Variants in PTK2B observed in about 807,000 individuals in gnomAD.
The protein encoded by PTK2B is protein tyrosine kinase 2 beta, also known as protein-tyrosine kinase 2-beta.
Under a neutral mutation model 142.9 loss-of-function variants are expected in PTK2B, and 71 were observed. The ratio of observed to expected loss-of-function variants is 0.50; its 90% CI spans 0.41 to 0.61. The LOEUF (loss-of-function observed/expected upper bound fraction) is 0.61, where lower values mean the gene tolerates loss of function less well. Ranked by LOEUF, PTK2B falls within the 20% of genes least tolerant of loss-of-function variation. The pLI, the probability that PTK2B is intolerant of heterozygous loss-of-function variation, is 0.00. For missense variants in PTK2B, 1,105 were observed against 1,320.4 expected (o/e 0.84, Z 2.53); for synonymous variants, 519 against 503.4 (o/e 1.03, Z -0.42).
In PTK2B at chr8:27,439,303, C is replaced by G. The variant is rs766476675; in HGVS notation, c.1745-6C>G. On this transcript the variant is annotated splice_polypyrimidine_tract_variant and splice_region_variant and intron_variant, in intron 19 of 30. Transcript: ENST00000346049. ...CCTAAAAATCAACCTCTTTGCCCAC[C>G]CAAAGCCTCTGTGACTCGTCTCCCC... The G allele has an allele frequency of 1.2e-6, 2 of 1,612,406 alleles. No individual in the cohort carries two copies. Among genetic ancestry groups the G allele is most frequent in the African/African-American group, 1.3e-5 (1 of 74,968 alleles).
chr8:27,456,603 A>C (rs1229719600), intron 30 of PTK2B, among the ~76,000 whole-genome samples: 1 of 152,198 alleles, frequency 6.6e-6, no homozygotes, highest in East Asian at 1.9e-4. Flanking sequence ...CTGCATGTTC[A>C]AGTAAAAGGA....
chr8:27,423,277 G>C (rs1471285343), intron 5 of PTK2B, among the ~76,000 whole-genome samples: 1 of 152,172 alleles, frequency 6.6e-6, no homozygotes, highest in Non-Finnish European at 1.5e-5. Flanking sequence ...TTCTAGCCCT[G>C]TCTTGACCAG....
intron 2 of PTK2B, among the ~76,000 whole-genome samples, chr8:27,412,265 G>T (rs1809113851): frequency 1.3e-5 from 2 of 152,158 alleles, no homozygotes; most frequent in African/African-American, 4.8e-5. Context: ...GTGGCTCAAA[G>T]CTTCAACTCT....
Position 27,391,992 on chromosome 8 carries a change from G to T in PTK2B, c.-37-5556G>T, listed in dbSNP as rs527515470. On this transcript the variant is annotated intron_variant, in intron 1 of 30. Coordinates refer to ENST00000346049, the MANE Select transcript of PTK2B (RefSeq NM_173176.3). ...CCGACGGTCTGGGGCAGACCAGGAA[G>T]CAGGGAGGACAGAATGCCAGGGCTT... Among the ~76,000 whole-genome samples the T allele has an allele frequency of 2.6e-5, 4 of 152,342 alleles. No homozygotes were observed. In the South Asian group the frequency reaches 8.3e-4, roughly 32 times the overall value.
intron 1 of PTK2B, among the ~76,000 whole-genome samples, chr8:27,330,504 C>T (rs151079602): frequency 2.2e-3 from 334 of 152,280 alleles, no homozygotes; most frequent in African/African-American, 7.7e-3. Context: ...TCTACGAATG[C>T]CCAGCCGGCA....
intron 1 of PTK2B, among the ~76,000 whole-genome samples, chr8:27,367,535 G>A (rs1388198890): frequency 3.9e-5 from 6 of 152,228 alleles, no homozygotes; most frequent in Non-Finnish European, 8.8e-5. Flanking sequence ...CCCAGCAAAT[G>A]CAGTGGGGCC....
intron 3 of PTK2B, among the ~76,000 whole-genome samples, chr8:27,420,284 A>G (rs776787217): frequency 1.1e-4 from 16 of 152,200 alleles, no homozygotes; most frequent in Non-Finnish European, 2.2e-4. Flanking sequence ...CCCAGAGCCA[A>G]CACCTAAAGG....
At chr8:27,370,019 G>C (rs1470940613) in intron 1 of PTK2B, among the ~76,000 whole-genome samples, 1 of 152,166 alleles carries the variant, frequency 6.6e-6, no homozygotes, top group Admixed American at 6.5e-5. Context: ...ATCAGAGCTG[G>C]TCCAGCATTC....
At chr8:27,434,706 A>T in intron 13 of PTK2B, 147 bp downstream of exon 13, 1 of 981,238 alleles carries the variant, frequency 1.0e-6, no homozygotes, top group East Asian at 2.7e-5. Context: ...TGGCTTTAAA[A>T]TATCGTGAAT....
chr8:27,337,432 G>C (rs1196720400), intron 1 of PTK2B, among the ~76,000 whole-genome samples: 1 of 152,104 alleles, frequency 6.6e-6, no homozygotes, highest in East Asian at 1.9e-4. Flanking sequence ...TACTGCGCCT[G>C]GCCCTCCATC....
chr8:27,313,431 T>TA lies in PTK2B; in HGVS notation c.-414+149dup, dbSNP rs1563451280. Reference sequence around the variant, plus strand: ...TTTCAGAGCAAGAGTGGAAGTTTATTAAAAAGTTTGGGACAGAAAAGAAAG... The same window carrying TA: ...TTTCAGAGCAAGAGTGGAAGTTTATTAAAAAAGTTTGGGACAGAAAAGAAAG... On this transcript the variant is annotated intron_variant, in intron 3 of 35. Coordinates refer to the PTK2B transcript ENST00000397501. 4 of 152,336 alleles carry TA rather than the reference T, an allele frequency of 2.6e-5. No homozygotes were observed. The South Asian group carries it at 8.3e-4, about 32-fold the overall frequency. The allele number at this position is 152,336 out of a possible 1,614,324, so 9.4% of individuals were successfully genotyped here. A position where few individuals can be genotyped will look rare whatever the true frequency, so the allele number is the denominator to read the frequency against.
At chr8:27,455,332 G>A (rs1812081605) in intron 30 of PTK2B, among the ~76,000 whole-genome samples, 1 of 152,134 alleles carries the variant, frequency 6.6e-6, no homozygotes, top group Admixed American at 6.5e-5. Context: ...GGGAGGCCAA[G>A]GCAGGTGAAT....
At chr8:27,330,356 G>A (rs1803672510) in intron 1 of PTK2B, among the ~76,000 whole-genome samples, 1 of 152,162 alleles carries the variant, frequency 6.6e-6, no homozygotes, top group South Asian at 2.1e-4. Context: ...CGAGGCATCA[G>A]GCAGCTTCCC....
chr8:27,434,078 C>G lies in PTK2B; in HGVS notation c.1106-15C>G. ...GTCCCCAGCTCCAACCTCCTCCTTC[C>G]TCCTCTCTTCCTAGATGGTGAGAAG... On this transcript the variant is annotated splice_polypyrimidine_tract_variant and intron_variant, in intron 11 of 30. Coordinates refer to ENST00000346049, the MANE Select transcript of PTK2B (RefSeq NM_173176.3). The G allele has an allele frequency of 6.2e-7, 1 of 1,614,004 alleles. No individual in the cohort carries two copies. The highest frequency in any genetic ancestry group is 2.2e-5 in the East Asian group (1 of 44,862).
At chr8:27,311,401 A>G (rs796958143), upstream of PTK2B, 6 of 812,666 alleles carry the variant, frequency 7.4e-6, no homozygotes, top group East Asian at 3.3e-5. Flanking sequence ...GGCGAGGGGG[A>G]GGGAGGGGGC....
intron 1 of PTK2B, among the ~76,000 whole-genome samples, chr8:27,333,654 C>A (rs1803888439): frequency 6.6e-6 from 1 of 152,166 alleles, no homozygotes; most frequent in Non-Finnish European, 1.5e-5. Flanking sequence ...TCACCTCTGT[C>A]TTCCATATTC....
At chr8:27,429,854 C>T (rs1810300307) in intron 5 of PTK2B, among the ~76,000 whole-genome samples, 1 of 152,208 alleles carries the variant, frequency 6.6e-6, no homozygotes, top group African/African-American at 2.4e-5. Context: ...AGTATCTGCC[C>T]ATTCCTAAAG....
intron 1 of PTK2B, among the ~76,000 whole-genome samples, chr8:27,370,923 TG>T (rs1325905555): frequency 6.6e-6 from 1 of 152,216 alleles, no homozygotes; most frequent in East Asian, 1.9e-4. Flanking sequence ...TATTTTTTTT[TG>T]AGGCAGAGTT....
At chr8:27,388,255 A>T (rs960026416) in intron 1 of PTK2B, among the ~76,000 whole-genome samples, 2 of 152,186 alleles carry the variant, frequency 1.3e-5, no homozygotes, top group Non-Finnish European at 2.9e-5. Context: ...ACCCACTCAG[A>T]GGGGGACATG....
Sources: allele counts gnomAD v4.1 joint callset (sites outside exome capture counted in the v4.1 genomes callset), GRCh38; gene constraint gnomAD v4.1.1; transcripts MANE v1.5; gene names NCBI Gene and HGNC (gene_info 2026-07-23, HGNC 2026-07-21).